RAB6A: variants seen among roughly 807,000 people sequenced by gnomAD.
The protein encoded by RAB6A is RAB6A, member RAS oncogene family.
RAB6A carries 8 observed loss-of-function variants against 32.3 expected under a neutral mutation model. The ratio of observed to expected loss-of-function variants is 0.25; its 90% CI spans 0.15 to 0.45. The LOEUF (loss-of-function observed/expected upper bound fraction) is 0.45. Ranked by LOEUF, RAB6A falls within the 20% of genes least tolerant of loss-of-function variation. RAB6A has a pLI of 1.00. For synonymous variants in RAB6A, 73 were observed against 82.1 expected (o/e 0.89, Z 0.60); for missense variants, 104 against 249.4 (o/e 0.42, Z 3.93).
chr11:73,720,722 C>T (rs1946123343), intron 3 of RAB6A, 124 bp downstream of exon 3: 1 of 745,870 alleles, frequency 1.3e-6, no homozygotes, highest in Non-Finnish European at 2.2e-6. Flanking sequence ...TTTTTCTCAA[C>T]AACTGTAAAC....
intron 6 of RAB6A, among the ~76,000 whole-genome samples, chr11:73,684,168 G>GTTTT (rs35035887): frequency 1.4e-5 from 2 of 144,388 alleles, no homozygotes; most frequent in Non-Finnish European, 3.0e-5. Context: ...ATACATTGTT[G>GTTTT]TTTTTTTTTT....
At chr11:73,699,722 T>C (rs1945711752) in intron 6 of RAB6A, among the ~76,000 whole-genome samples, 1 of 152,224 alleles carries the variant, frequency 6.6e-6, no homozygotes, top group Admixed American at 6.6e-5. Flanking sequence ...AACCACATTT[T>C]ACATAACTTT....
intron 6 of RAB6A, among the ~76,000 whole-genome samples, chr11:73,704,772 A>G (rs968347589): frequency 5.9e-5 from 9 of 152,028 alleles, no homozygotes; most frequent in Non-Finnish European, 8.8e-5. Context: ...CGAGGTGGGC[A>G]GATCACGAGG....
At chr11:73,691,959 G>A (rs1282841153) in intron 6 of RAB6A, among the ~76,000 whole-genome samples, 1 of 151,546 alleles carries the variant, frequency 6.6e-6, no homozygotes, top group Non-Finnish European at 1.5e-5. Flanking sequence ...GGTGACAAGA[G>A]CAAAACTCTT....
At chr11:73,741,272 G>T (rs769537968) in intron 1 of RAB6A, among the ~76,000 whole-genome samples, 1 of 152,026 alleles carries the variant, frequency 6.6e-6, no homozygotes, top group Non-Finnish European at 1.5e-5. Context: ...AATCAGCTGG[G>T]ATTACAGGTG....
At chr11:73,728,797 G>A (rs1946263521) in intron 2 of RAB6A, among the ~76,000 whole-genome samples, 1 of 151,924 alleles carries the variant, frequency 6.6e-6, no homozygotes, top group South Asian at 2.1e-4. Context: ...GAATATTAGA[G>A]TAACTGACCT....
At chr11:73,724,676 C>T (rs551373158) in intron 2 of RAB6A, among the ~76,000 whole-genome samples, 3 of 152,104 alleles carry the variant, frequency 2.0e-5, no homozygotes, top group East Asian at 1.9e-4. Flanking sequence ...TTAGTAGAGA[C>T]GGGGTTTCAC....
chr11:73,715,729 G>T (rs1946042021), intron 5 of RAB6A, among the ~76,000 whole-genome samples: 1 of 152,142 alleles, frequency 6.6e-6, no homozygotes, highest in South Asian at 2.1e-4. Context: ...CTTGAATATC[G>T]CTTTGCTCAT....
At chr11:73,707,201 T>TGTG (rs1357971231) in intron 6 of RAB6A, among the ~76,000 whole-genome samples, 1 of 152,180 alleles carries the variant, frequency 6.6e-6, no homozygotes, top group Admixed American at 6.5e-5. Flanking sequence ...TATGGTAGAT[T>TGTG]TACCACTTTG....
intron 6 of RAB6A, among the ~76,000 whole-genome samples, chr11:73,687,781 C>T (rs1159895675): frequency 6.6e-6 from 1 of 152,122 alleles, no homozygotes; most frequent in South Asian, 2.1e-4. Context: ...TACTTGAACC[C>T]GGGAGGCGGA....
At chr11:73,726,581 CAAAAAAAAAAAAAA>C (rs60281561) in intron 2 of RAB6A, among the ~76,000 whole-genome samples, 2 of 29,862 alleles carry the variant, frequency 6.7e-5, no homozygotes, top group Non-Finnish European at 1.0e-4. Context: ...GACTCTGTCT[CAAAAAAAAAAAAAA>C]AAAAAAAAAA....
At chr11:73,740,779 C>CG (rs978533686) in intron 1 of RAB6A, among the ~76,000 whole-genome samples, 34 of 150,954 alleles carry the variant, frequency 2.3e-4, no homozygotes, top group Admixed American at 6.0e-4. Context: ...TCCAGCTACT[C>CG]GGGGGGGCTG....
chr11:73,696,800 C>T (rs1590836252), intron 6 of RAB6A, among the ~76,000 whole-genome samples: 1 of 151,840 alleles, frequency 6.6e-6, no homozygotes, highest in South Asian at 2.1e-4. Flanking sequence ...CACACACTCT[C>T]CCTATGTTGC....
chr11:73,688,040 G>A (rs1409033246), intron 6 of RAB6A, among the ~76,000 whole-genome samples: 1 of 152,148 alleles, frequency 6.6e-6, no homozygotes, highest in Admixed American at 6.5e-5. Context: ...GCCCTTACTG[G>A]TGAAGTGAAT....
chr11:73,736,681 A>C (rs746580540), intron 1 of RAB6A, among the ~76,000 whole-genome samples: 14 of 150,094 alleles, frequency 9.3e-5, no homozygotes, highest in Non-Finnish European at 2.1e-4. Context: ...AATCCCAGCT[A>C]CTCCGGAGGC....
At chr11:73,697,618 A>G (rs953414525) in intron 6 of RAB6A, among the ~76,000 whole-genome samples, 1 of 152,092 alleles carries the variant, frequency 6.6e-6, no homozygotes, top group Non-Finnish European at 1.5e-5. Flanking sequence ...AAACACTGGG[A>G]TTACAGGCAT....
rs180990427 is a variant in RAB6A at position 73,741,065 on chromosome 11, A to T, written c.71-10242T>A. On this transcript the variant is annotated intron_variant, in intron 1 of 7. Coordinates refer to ENST00000336083, the MANE Select transcript of RAB6A (RefSeq NM_198896.2). ...TAATATTTATTAGATCTACAGTATG[A>T]GTTTCCAGCATGATGAAATAGAGAC... 1.6e-4 allele frequency among the ~76,000 whole-genome samples: 24 copies of T among 152,292 alleles called. No homozygotes were observed. In the East Asian group the frequency reaches 3.7e-3, roughly 23 times the overall value.
chr11:73,688,252 T>A (rs1945491402), intron 6 of RAB6A, among the ~76,000 whole-genome samples: 1 of 152,222 alleles, frequency 6.6e-6, no homozygotes, highest in African/African-American at 2.4e-5. Context: ...CTGTGACTTC[T>A]GAAAAAAGAT....
chr11:73,710,508 C>T (rs1422231541), intron 5 of RAB6A, among the ~76,000 whole-genome samples: 2 of 151,578 alleles, frequency 1.3e-5, no homozygotes, highest in Non-Finnish European at 2.9e-5. Context: ...GAGGCCAAGG[C>T]GGGTGGATCA....
Sources: allele counts gnomAD v4.1 joint callset (sites outside exome capture counted in the v4.1 genomes callset), GRCh38; gene constraint gnomAD v4.1.1; transcripts MANE v1.5; gene names NCBI Gene and HGNC (gene_info 2026-07-23, HGNC 2026-07-21).